Variants in PRKCB observed in about 807,000 individuals in gnomAD.
PRKCB encodes protein kinase C beta type.
PRKCB carries 13 observed loss-of-function variants against 81.5 expected under a neutral mutation model. That is an observed-to-expected ratio of 0.16 (90% confidence interval 0.10 to 0.25). The LOEUF is 0.25. Among genes scored for constraint, PRKCB ranks in the 10% least tolerant of loss-of-function variants. PRKCB has a pLI of 1.00. For synonymous variants in PRKCB, 335 were observed against 321.4 expected (o/e 1.04, Z -0.45); for missense variants, 509 against 875.7 (o/e 0.58, Z 5.29).
At chr16:23,990,935 C>T (rs2141823571) in intron 3 of PRKCB, among the ~76,000 whole-genome samples, 1 of 152,334 alleles carries the variant, frequency 6.6e-6, no homozygotes, top group Non-Finnish European at 1.5e-5. Context: ...CAATAATGAA[C>T]TGCATTCAGC....
At chr16:23,952,482 A>G (rs566054405) in intron 2 of PRKCB, among the ~76,000 whole-genome samples, 1 of 152,184 alleles carries the variant, frequency 6.6e-6, no homozygotes, top group African/African-American at 2.4e-5. Flanking sequence ...GTTAAAAGAG[A>G]TGAGGGGGTG....
At position 24,180,778 on chromosome 16, in the gene PRKCB, T is replaced by C. The variant is rs756872653; in HGVS notation, c.1395-12T>C. 3.7e-6 allele frequency: 6 copies of C among 1,612,320 alleles called. No homozygotes were observed. Among genetic ancestry groups the C allele is most frequent in the Non-Finnish European group, 5.1e-6 (6 of 1,179,050 alleles). ...GTTTAATTAAATCTCTAAATTCTTGTGTCTGCCATAGTGACCTAAAACTTG... is the reference window on the plus strand; with the variant it reads ...GTTTAATTAAATCTCTAAATTCTTGCGTCTGCCATAGTGACCTAAAACTTG... On this transcript the variant is annotated splice_polypyrimidine_tract_variant and intron_variant, in intron 12 of 16. Transcript: ENST00000643927.
intron 2 of PRKCB, among the ~76,000 whole-genome samples, chr16:23,905,454 G>C (rs1963544300): frequency 6.6e-6 from 1 of 152,106 alleles, no homozygotes; most frequent in South Asian, 2.1e-4. Context: ...AGGATGCCTG[G>C]TTCAGTCTGC....
At chr16:23,865,497 A>G (rs190793161) in intron 2 of PRKCB, among the ~76,000 whole-genome samples, 8 of 14,124 alleles carry the variant, frequency 5.7e-4, no homozygotes, top group East Asian at 2.3e-3. Flanking sequence ...ATATATATAT[A>G]TATATATATA....
chr16:23,976,174 T>C (rs1205720568), intron 2 of PRKCB, among the ~76,000 whole-genome samples: 4 of 152,078 alleles, frequency 2.6e-5, no homozygotes, highest in Non-Finnish European at 5.9e-5. Context: ...TGTAATGGTG[T>C]GCACCTGTAG....
intron 7 of PRKCB, among the ~76,000 whole-genome samples, chr16:24,100,319 A>T (rs1267665716): frequency 2.6e-5 from 4 of 152,054 alleles, no homozygotes; most frequent in African/African-American, 9.7e-5. Context: ...TTTTTAGCCT[A>T]CGTTCCTAAA....
At chr16:24,191,992 A>AT (rs1289426792) in intron 16 of PRKCB, among the ~76,000 whole-genome samples, 2 of 152,232 alleles carry the variant, frequency 1.3e-5, no homozygotes, top group African/African-American at 4.8e-5. Flanking sequence ...TCCTTGTGAA[A>AT]TTAAATAGAG....
intron 2 of PRKCB, among the ~76,000 whole-genome samples, chr16:23,854,888 C>A (rs1052812922): frequency 1.3e-5 from 2 of 152,118 alleles, no homozygotes; most frequent in Admixed American, 6.5e-5. Context: ...AGGCAGGCCC[C>A]AAATGAGTGC....
At chr16:24,065,338 T>C (rs1394603676) in intron 5 of PRKCB, among the ~76,000 whole-genome samples, 1 of 151,870 alleles carries the variant, frequency 6.6e-6, no homozygotes, top group Non-Finnish European at 1.5e-5. Flanking sequence ...TTCATATTCC[T>C]TTCTATTAAC....
Position 24,013,433 on chromosome 16 carries a change from G to A in PRKCB, c.289-18703G>A, listed in dbSNP as rs1001976290. On this transcript the variant is annotated intron_variant, in intron 3 of 16. Coordinates refer to ENST00000643927, the MANE Select transcript of PRKCB (RefSeq NM_002738.7). The stretch of plus-strand genomic sequence containing the variant: ...AATCACTAGCTGTGTGACCTTGGGC[G>A]AGTTACTTAACTTCTCTGTGTCTCA... Among the ~76,000 whole-genome samples the A allele has an allele frequency of 6.6e-5, 10 of 152,260 alleles. No homozygotes were observed. In the East Asian group the frequency reaches 9.6e-4, roughly 15 times the overall value.
At chr16:23,889,068 A>G (rs1963248140) in intron 2 of PRKCB, among the ~76,000 whole-genome samples, 5 of 152,104 alleles carry the variant, frequency 3.3e-5, no homozygotes, top group Admixed American at 3.3e-4. Context: ...TTACCCACCC[A>G]TCTACTCACT....
chr16:24,151,762 C>T (rs1299109923), intron 9 of PRKCB: 2 of 455,170 alleles, frequency 4.4e-6, no homozygotes, highest in Non-Finnish European at 8.8e-6. Flanking sequence ...TTTCAGCATT[C>T]AAGTGGCACA....
At chr16:24,082,373 A>G (rs1466835625) in intron 5 of PRKCB, among the ~76,000 whole-genome samples, 1 of 152,230 alleles carries the variant, frequency 6.6e-6, no homozygotes, top group East Asian at 1.9e-4. Context: ...TAAAACTTGT[A>G]TAGAAGGGCA....
intron 2 of PRKCB, among the ~76,000 whole-genome samples, chr16:23,859,331 G>A (rs1376166337): frequency 6.6e-6 from 1 of 152,218 alleles, no homozygotes; most frequent in East Asian, 1.9e-4. Context: ...TTTGGAAAGT[G>A]TGAGATCCCT....
At chr16:24,046,684 G>A (rs1965770738) in intron 5 of PRKCB, among the ~76,000 whole-genome samples, 1 of 152,128 alleles carries the variant, frequency 6.6e-6, no homozygotes, top group African/African-American at 2.4e-5. Flanking sequence ...GGGTGTGACT[G>A]GAGCCTCGGG....
rs1265157348 is a variant in PRKCB, at chr16:23,899,705, C to G, written c.205+62299C>G. ...CCTGGGCTGGAGTGCAGTGATGCGACCATGGCTCACTATATTCAAAATCCT... is the reference window on the plus strand; with the variant it reads ...CCTGGGCTGGAGTGCAGTGATGCGAGCATGGCTCACTATATTCAAAATCCT... On this transcript the variant is annotated intron_variant, in intron 2 of 16. Transcript: ENST00000643927. 6.4e-5 allele frequency among the ~76,000 whole-genome samples: 5 copies of G among 77,590 alleles called. 2 individuals carry two copies. The Admixed American group carries it at 8.6e-4, about 13-fold the overall frequency. The allele number at this position is 77,590 out of a possible 152,430, so 50.9% of individuals were successfully genotyped here.
chr16:23,872,179 C>T (rs1240947973), intron 2 of PRKCB, among the ~76,000 whole-genome samples: 2 of 152,174 alleles, frequency 1.3e-5, no homozygotes, highest in Admixed American at 6.5e-5. Flanking sequence ...GAACTGGCAG[C>T]GTTCCTGTTA....
intron 3 of PRKCB, among the ~76,000 whole-genome samples, chr16:24,028,349 G>A (rs1465458935): frequency 2.6e-5 from 4 of 152,078 alleles, no homozygotes; most frequent in East Asian, 1.9e-4. Flanking sequence ...TCGGCTTCCC[G>A]AAGTGCTGGG....
chr16:24,144,188 A>C (rs1283024301), intron 9 of PRKCB, among the ~76,000 whole-genome samples: 1 of 152,154 alleles, frequency 6.6e-6, no homozygotes, highest in Non-Finnish European at 1.5e-5. Context: ...AGAGAAAAAA[A>C]AGAAAAGAGA....
Sources: gnomAD v4.1 joint callset for allele counts (sites outside exome capture counted in the v4.1 genomes callset) on GRCh38, gnomAD v4.1.1 for gene constraint, MANE v1.5 for transcripts, NCBI Gene and HGNC (gene_info 2026-07-23, HGNC 2026-07-21) for gene names.